RPS6KC1: variants seen among roughly 807,000 people sequenced by gnomAD.
RPS6KC1 encodes the protein inactive ribosomal protein S6 kinase delta-1.
RPS6KC1 carries 54 observed loss-of-function variants against 103.8 expected under a neutral mutation model. The observed-to-expected ratio is 0.52, with a 90% CI of 0.42 to 0.65. The LOEUF is 0.65. Among genes scored for constraint, RPS6KC1 ranks in the 30% least tolerant of loss-of-function variants. RPS6KC1 has a pLI of 0.00. For synonymous variants in RPS6KC1, 439 were observed against 438.7 expected (o/e 1.00, Z -0.01); for missense variants, 1,151 against 1,253.8 (o/e 0.92, Z 1.24).
the RPS6KC1 span, among the ~76,000 whole-genome samples, chr1:213,475,524 T>C: frequency 6.6e-6 from 1 of 152,316 alleles, no homozygotes; most frequent in Admixed American, 6.5e-5. Context: ...AGAAGTCTCA[T>C]GTGAAATTTC....
chr1:213,133,214 G>T (rs929932253), intron 6 of RPS6KC1, among the ~76,000 whole-genome samples: 3 of 152,102 alleles, frequency 2.0e-5, no homozygotes, highest in Non-Finnish European at 4.4e-5. Context: ...TTTTTGAAAA[G>T]GATGTTGCAA....
At chr1:213,813,702 G>T in the RPS6KC1 span, among the ~76,000 whole-genome samples, 2 of 152,164 alleles carry the variant, frequency 1.3e-5, no homozygotes, top group Non-Finnish European at 2.9e-5. Flanking sequence ...TGGAGAATCT[G>T]TTCTGTGGTG....
chr1:213,572,562 C>T, the RPS6KC1 span, among the ~76,000 whole-genome samples: 3 of 152,058 alleles, frequency 2.0e-5, no homozygotes, highest in African/African-American at 7.2e-5. Context: ...ATGGAAAGGG[C>T]AGGTTATCTA....
chr1:213,118,408 G>A (rs530879179), intron 5 of RPS6KC1, among the ~76,000 whole-genome samples: 2 of 152,130 alleles, frequency 1.3e-5, no homozygotes, highest in Admixed American at 1.3e-4. Flanking sequence ...GTTTATTAAA[G>A]GTAAAATAAT....
At chr1:213,196,862 A>G (rs1484870375) in intron 8 of RPS6KC1, among the ~76,000 whole-genome samples, 3 of 151,848 alleles carry the variant, frequency 2.0e-5, no homozygotes, top group African/African-American at 7.3e-5. Context: ...TTGAGATGGA[A>G]TTTTGCTCTC....
At chr1:213,804,931 T>C in the RPS6KC1 span, among the ~76,000 whole-genome samples, 3 of 152,240 alleles carry the variant, frequency 2.0e-5, no homozygotes, top group African/African-American at 7.2e-5. Context: ...TTCAGACCAC[T>C]GCAATAAAGC....
the RPS6KC1 span, among the ~76,000 whole-genome samples, chr1:213,740,905 T>C: frequency 2.3e-5 from 3 of 132,288 alleles, no homozygotes; most frequent in African/African-American, 8.5e-5. Flanking sequence ...CTCAGATATA[T>C]GTACACATAT....
intron 5 of RPS6KC1, 40 bp downstream of exon 5, chr1:213,117,450 T>A (rs2083790711): frequency 8.6e-7 from 1 of 1,168,006 alleles, no homozygotes; most frequent in African/African-American, 1.5e-5. Context: ...AAGGTTTGGA[T>A]TACAGAAGAC....
the RPS6KC1 span, among the ~76,000 whole-genome samples, chr1:213,647,213 C>G: frequency 6.6e-6 from 1 of 152,090 alleles, no homozygotes; most frequent in Admixed American, 6.6e-5. Context: ...ACCCGACTAG[C>G]ATCCATAATA....
intron 3 of RPS6KC1, among the ~76,000 whole-genome samples, chr1:213,103,231 C>T (rs2082168304): frequency 6.6e-6 from 1 of 150,904 alleles, no homozygotes; most frequent in Non-Finnish European, 1.5e-5. Flanking sequence ...CATTGTAAGA[C>T]ATTTATTTAT....
the RPS6KC1 span, among the ~76,000 whole-genome samples, chr1:213,310,511 C>A: frequency 3.3e-5 from 5 of 152,172 alleles, no homozygotes; most frequent in Non-Finnish European, 7.3e-5. Flanking sequence ...TTCACAGGTA[C>A]CTAAGCTATT....
the RPS6KC1 span, among the ~76,000 whole-genome samples, chr1:213,779,718 T>C: frequency 2.0e-5 from 3 of 152,228 alleles, no homozygotes; most frequent in Non-Finnish European, 4.4e-5. Context: ...TTAGTTCAAG[T>C]TGATGACTTG....
intron 6 of RPS6KC1, among the ~76,000 whole-genome samples, chr1:213,146,115 TC>T (rs1358760371): frequency 1.3e-5 from 2 of 150,094 alleles, no homozygotes; most frequent in African/African-American, 4.9e-5. Flanking sequence ...AATATTTAGA[TC>T]CCACAAATAA....
At chr1:213,220,866 C>G (rs1049404956) in intron 8 of RPS6KC1, among the ~76,000 whole-genome samples, 2 of 152,116 alleles carry the variant, frequency 1.3e-5, no homozygotes, top group African/African-American at 4.8e-5. Flanking sequence ...AAAGACACCA[C>G]AGTATTTTGT....
the RPS6KC1 span, among the ~76,000 whole-genome samples, chr1:213,390,664 G>A: frequency 6.6e-6 from 1 of 152,088 alleles, no homozygotes; most frequent in Non-Finnish European, 1.5e-5. Context: ...TCAATATTTG[G>A]TGCATCTACC....
chr1:213,258,514 A>G (rs545027125), intron 12 of RPS6KC1, among the ~76,000 whole-genome samples: 2 of 152,344 alleles, frequency 1.3e-5, no homozygotes, highest in Non-Finnish European at 2.9e-5. Flanking sequence ...ATAGAATTCT[A>G]TGGAGGAATA....
At chr1:213,768,419 G>C in the RPS6KC1 span, among the ~76,000 whole-genome samples, 1 of 152,226 alleles carries the variant, frequency 6.6e-6, no homozygotes, top group African/African-American at 2.4e-5. Context: ...AAAAGGAAGG[G>C]AGAGAGGGAG....
At chr1:213,436,530 A>G in the RPS6KC1 span, among the ~76,000 whole-genome samples, 21 of 152,212 alleles carry the variant, frequency 1.4e-4, no homozygotes, top group African/African-American at 7.2e-5. Flanking sequence ...AGAAACATCA[A>G]TTCCCAGAGG....
chr1:213,828,291 C>T, the RPS6KC1 span, among the ~76,000 whole-genome samples: 1 of 152,130 alleles, frequency 6.6e-6, no homozygotes, highest in South Asian at 2.1e-4. Context: ...GTCCCTTCTC[C>T]CCACAGTGCC....
Sources: gnomAD v4.1 joint callset for allele counts (sites outside exome capture counted in the v4.1 genomes callset) on GRCh38, gnomAD v4.1.1 for gene constraint, MANE v1.5 for transcripts, NCBI Gene and HGNC (gene_info 2026-07-23, HGNC 2026-07-21) for gene names.